Variants in LRFN5 observed in about 807,000 individuals in gnomAD.
LRFN5 encodes the protein leucine rich repeat and fibronectin type III domain containing 5.
LRFN5 carries 24 observed loss-of-function variants against 45.6 expected under a neutral mutation model. That is an observed-to-expected ratio of 0.53 (90% CI 0.38 to 0.74). The LOEUF is 0.74. LRFN5 is among the 30% of genes least tolerant of loss of function. The pLI, the probability that LRFN5 is intolerant of heterozygous loss-of-function variation, is 0.00. For missense variants in LRFN5, 776 were observed against 861.5 expected, an observed-to-expected ratio of 0.90 and a Z score of 1.24; for synonymous variants, 340 against 313.8, an observed-to-expected ratio of 1.08 and a Z score of -0.88.
At chr14:41,727,439 TATAAATAAATAA>T (rs150974682) in intron 1 of LRFN5, among the ~76,000 whole-genome samples, 1 of 150,572 alleles carries the variant, frequency 6.6e-6, no homozygotes, top group Non-Finnish European at 1.5e-5. Flanking sequence ...ATCCGATCTC[TATAAATAAATAA>T]ATAAATAAAT....
rs201182514 is a variant in LRFN5 at position 41,609,320 on chromosome 14, T to TTTG, written c.-197+770_-197+772dup. 4.0e-3 allele frequency among the ~76,000 whole-genome samples: 606 copies of TTTG among 150,878 alleles called. 2 individuals are homozygous for TTTG. Among genetic ancestry groups the TTTG allele is most frequent in the African/African-American group, 0.015 (588 of 40,550 alleles). On this transcript the variant is annotated intron_variant, in intron 1 of 5. Transcript: ENST00000298119. ...GACACGCAACTCCTTTGCGCGTTTT[T>TTTG]TTGTTGTTGTTGTTTGTTTGTTTGT...
chr14:41,695,163 C>G (rs74046616), intron 1 of LRFN5, among the ~76,000 whole-genome samples: 2,258 of 151,988 alleles, frequency 0.015, 12 homozygotes, highest in African/African-American at 0.021. Flanking sequence ...AAGCCAAAGT[C>G]TAATCCAGAG....
chr14:41,773,273 CT>C (rs36087325), intron 2 of LRFN5, among the ~76,000 whole-genome samples: 1 of 152,262 alleles, frequency 6.6e-6, no homozygotes, highest in East Asian at 1.9e-4. Context: ...GAGCAGCTCA[CT>C]TTTTTTGCCT....
At chr14:41,741,614 A>C (rs1290969636) in intron 1 of LRFN5, among the ~76,000 whole-genome samples, 2 of 151,734 alleles carry the variant, frequency 1.3e-5, no homozygotes, top group Admixed American at 1.3e-4. Flanking sequence ...GTAGGGTAAA[A>C]GCTTCATAAT....
At chr14:41,878,268 C>T (rs897609258) in intron 2 of LRFN5, among the ~76,000 whole-genome samples, 3 of 152,110 alleles carry the variant, frequency 2.0e-5, no homozygotes, top group African/African-American at 7.2e-5. Context: ...TGTCCCCAGA[C>T]ATTAGTTGAG....
At chr14:41,626,845 T>C (rs1384864913) in intron 1 of LRFN5, among the ~76,000 whole-genome samples, 3 of 152,122 alleles carry the variant, frequency 2.0e-5, no homozygotes, top group Non-Finnish European at 4.4e-5. Context: ...GATGCTATTC[T>C]AGAAAATTAA....
intron 1 of LRFN5, among the ~76,000 whole-genome samples, chr14:41,695,857 C>T (rs1221374448): frequency 6.6e-6 from 1 of 151,894 alleles, no homozygotes; most frequent in Non-Finnish European, 1.5e-5. Flanking sequence ...CATGGATCAA[C>T]AAGTACTTTC....
At chr14:41,804,116 C>T (rs1328908711) in intron 2 of LRFN5, among the ~76,000 whole-genome samples, 2 of 152,110 alleles carry the variant, frequency 1.3e-5, no homozygotes, top group African/African-American at 4.8e-5. Context: ...CGCCCAAAGC[C>T]TCTGAAAGTG....
chr14:41,665,509 T>A (rs1880854543), intron 1 of LRFN5, among the ~76,000 whole-genome samples: 1 of 152,004 alleles, frequency 6.6e-6, no homozygotes, highest in Non-Finnish European at 1.5e-5. Context: ...TGTTAAGCAG[T>A]GAAACACATT....
At chr14:41,642,671 T>C (rs551803506) in intron 1 of LRFN5, among the ~76,000 whole-genome samples, 1 of 152,186 alleles carries the variant, frequency 6.6e-6, no homozygotes, top group East Asian at 1.9e-4. Context: ...CATAGTGACC[T>C]GGATCAAATG....
chr14:41,877,854 A>G (rs1358823046), intron 2 of LRFN5, among the ~76,000 whole-genome samples: 2 of 152,138 alleles, frequency 1.3e-5, no homozygotes, highest in African/African-American at 4.8e-5. Flanking sequence ...GCAGTTGCTA[A>G]ACACATCTTC....
At chr14:41,677,095 G>A (rs1378564687) in intron 1 of LRFN5, among the ~76,000 whole-genome samples, 1 of 151,928 alleles carries the variant, frequency 6.6e-6, no homozygotes. Context: ...ATCCTAGGTA[G>A]CAGAGCAAAA....
intron 2 of LRFN5, among the ~76,000 whole-genome samples, chr14:41,782,209 CTTTTT>C (rs1886553998): frequency 1.3e-5 from 2 of 151,362 alleles, no homozygotes; most frequent in Non-Finnish European, 3.0e-5. Context: ...TATTCCGTTT[CTTTTT>C]ATTATTTTTT....
rs185103019 is a variant in LRFN5, at chr14:41,772,985, C to A, written c.-21+5956C>A. ...CTCCTAAATTATTTACAATACCCAG[C>A]GATGTATCTATTTTGCTTATTCTCC... On this transcript the variant is annotated intron_variant, in intron 2 of 5. Transcript: ENST00000298119. 2.1e-3 allele frequency among the ~76,000 whole-genome samples: 322 copies of A among 152,206 alleles called. 3 individuals carry two copies. The highest frequency in any genetic ancestry group is 7.5e-3 in the African/African-American group (310 of 41,538).
In LRFN5 at chr14:41,607,097, G is replaced by T. The variant is rs1887515382; in HGVS notation, c.-1662G>T. Reference sequence around the variant, plus strand: ...GCTGTGTTCCGCGGCGCGCAGGGAGGCGGTGAGCGTGTGCAGAGCTGCCCG... The same window carrying T: ...GCTGTGTTCCGCGGCGCGCAGGGAGTCGGTGAGCGTGTGCAGAGCTGCCCG... On this transcript the variant is annotated 5_prime_UTR_variant, in exon 1 of 6. Coordinates refer to ENST00000298119, the MANE Select transcript of LRFN5 (RefSeq NM_152447.5). 6.6e-6 allele frequency among the ~76,000 whole-genome samples: 1 copy of T among 152,212 alleles called. No homozygotes were observed. The highest frequency in any genetic ancestry group is 1.5e-5 in the Non-Finnish European group (1 of 68,024).
chr14:41,883,716 T>A (rs1008590270), intron 2 of LRFN5, among the ~76,000 whole-genome samples: 5 of 152,260 alleles, frequency 3.3e-5, no homozygotes, highest in Non-Finnish European at 7.3e-5. Context: ...GTAATCCGTC[T>A]TATTTCTATG....
chr14:41,799,998 A>C (rs144648265), intron 2 of LRFN5, among the ~76,000 whole-genome samples: 1 of 151,974 alleles, frequency 6.6e-6, no homozygotes, highest in Non-Finnish European at 1.5e-5. Context: ...GGAAAAATTT[A>C]TCACTGATCA....
intron 2 of LRFN5, among the ~76,000 whole-genome samples, chr14:41,866,748 T>G (rs980977427): frequency 6.6e-6 from 1 of 152,124 alleles, no homozygotes. Flanking sequence ...TCACAGAATT[T>G]AAAATCATCA....
intron 1 of LRFN5, among the ~76,000 whole-genome samples, chr14:41,759,448 TACACACACACACACA>T (rs1199476735): frequency 2.7e-5 from 3 of 109,644 alleles, no homozygotes; most frequent in African/African-American, 1.0e-4. Flanking sequence ...TCTCTCTCTC[TACACACACACACACA>T]CACACACACA....
Sources: gnomAD v4.1 joint callset for allele counts (sites outside exome capture counted in the v4.1 genomes callset) on GRCh38, gnomAD v4.1.1 for gene constraint, MANE v1.5 for transcripts, NCBI Gene and HGNC (gene_info 2026-07-23, HGNC 2026-07-21) for gene names.